CADM2: variants seen among roughly 807,000 people sequenced by gnomAD.
CADM2 encodes immunoglobulin superfamily member 4D.
Under a neutral mutation model 49.8 loss-of-function variants are expected in CADM2, and 12 were observed. The observed-to-expected ratio is 0.24, with a 90% CI of 0.15 to 0.39. CADM2 has a LOEUF of 0.39. Among genes scored for constraint, CADM2 ranks in the 10% least tolerant of loss-of-function variants. The pLI is 1.00. For missense variants in CADM2, 378 were observed against 492.3 expected, an observed-to-expected ratio of 0.77 and a Z score of 2.20; for synonymous variants, 214 against 175.4, an observed-to-expected ratio of 1.22 and a Z score of -1.74.
At chr3:85,502,910 G>T (rs2040177251) in intron 1 of CADM2, among the ~76,000 whole-genome samples, 1 of 151,886 alleles carries the variant, frequency 6.6e-6, no homozygotes, top group African/African-American at 2.4e-5. Context: ...TTTTTTTGAG[G>T]ATTTAAGTGA....
intron 1 of CADM2, among the ~76,000 whole-genome samples, chr3:85,444,443 TCACACA>T (rs4053296): frequency 3.4e-5 from 5 of 148,024 alleles, no homozygotes; most frequent in South Asian, 4.3e-4. Context: ...TCCTACACAC[TCACACA>T]CACACACACA....
chr3:85,618,381 A>T (rs542902852), intron 1 of CADM2, among the ~76,000 whole-genome samples: 1 of 152,308 alleles, frequency 6.6e-6, no homozygotes, highest in East Asian at 1.9e-4. Context: ...TTATTCAGTT[A>T]CACTGTAGCT....
intron 6 of CADM2, among the ~76,000 whole-genome samples, chr3:85,915,852 G>A (rs1024303836): frequency 6.6e-6 from 1 of 152,106 alleles, no homozygotes; most frequent in African/African-American, 2.4e-5. Flanking sequence ...GTTTTCAGTG[G>A]TAAGTCAAAA....
chr3:85,714,010 C>G (rs1489132197), intron 1 of CADM2, among the ~76,000 whole-genome samples: 2 of 152,140 alleles, frequency 1.3e-5, no homozygotes, highest in Non-Finnish European at 2.9e-5. Context: ...GCTCAAGCTC[C>G]TCTTTGGGGA....
chr3:85,567,603 G>C (rs1245626063), intron 1 of CADM2, among the ~76,000 whole-genome samples: 1 of 151,732 alleles, frequency 6.6e-6, no homozygotes, highest in Non-Finnish European at 1.5e-5. Context: ...TGTTTTGAAT[G>C]GTATATTAGA....
At chr3:85,056,338 A>T (rs1397094884) in intron 1 of CADM2, among the ~76,000 whole-genome samples, 1 of 152,170 alleles carries the variant, frequency 6.6e-6, no homozygotes, top group Non-Finnish European at 1.5e-5. Flanking sequence ...TTGCATTTTA[A>T]GTGTGCTTTT....
intron 8 of CADM2, chr3:86,015,190 C>T (rs1268653212): frequency 1.7e-5 from 6 of 360,692 alleles, no homozygotes; most frequent in Non-Finnish European, 3.0e-5. Context: ...GTATGTAAAC[C>T]TCTTAATCAC....
At chr3:85,691,890 C>A (rs983526856) in intron 1 of CADM2, among the ~76,000 whole-genome samples, 8 of 152,056 alleles carry the variant, frequency 5.3e-5, no homozygotes, top group Non-Finnish European at 7.3e-5. Context: ...AAACCAAACA[C>A]CGCATGTTCT....
At chr3:85,307,153 G>A (rs541983614) in intron 1 of CADM2, among the ~76,000 whole-genome samples, 27 of 151,416 alleles carry the variant, frequency 1.8e-4, no homozygotes, top group Middle Eastern at 3.4e-3. Flanking sequence ...ATTAATTTAC[G>A]TATATGCATA....
intron 1 of CADM2, among the ~76,000 whole-genome samples, chr3:85,028,506 A>G (rs2034834299): frequency 6.6e-6 from 1 of 152,142 alleles, no homozygotes; most frequent in African/African-American, 2.4e-5. Context: ...AATTTACCTA[A>G]GGTCTTACAG....
At chr3:85,564,886 G>T (rs2062208323) in intron 1 of CADM2, among the ~76,000 whole-genome samples, 1 of 151,854 alleles carries the variant, frequency 6.6e-6, no homozygotes, top group Admixed American at 6.6e-5. Context: ...ATATAAAACA[G>T]GAATACTATT....
At chr3:86,033,957 T>C (rs1734855640) in intron 8 of CADM2, among the ~76,000 whole-genome samples, 1 of 151,492 alleles carries the variant, frequency 6.6e-6, no homozygotes, top group African/African-American at 2.4e-5. Flanking sequence ...ACATTGTTTT[T>C]GAAACCATGG....
intron 1 of CADM2, among the ~76,000 whole-genome samples, chr3:85,444,332 A>T (rs2107550187): frequency 6.6e-6 from 1 of 152,062 alleles, no homozygotes; most frequent in South Asian, 2.1e-4. Context: ...ACTTCTATCA[A>T]ATGAAAATAA....
In CADM2 at chr3:84,959,004, T is replaced by C. The variant is rs2030169613; in HGVS notation, c.-604T>C. On this transcript the variant is annotated 5_prime_UTR_variant, in exon 1 of 10. Coordinates refer to ENST00000383699, the MANE Select transcript of CADM2 (RefSeq NM_001167675.2). ...CTGGTGCTTCGTAGAGCTGCCGCCGTCGCCGCTGCCGCTGCCGCCACAGCC... is the reference window on the plus strand; with the variant it reads ...CTGGTGCTTCGTAGAGCTGCCGCCGCCGCCGCTGCCGCTGCCGCCACAGCC... 1.0e-5 allele frequency: 2 copies of C among 200,428 alleles called. No individual in the cohort carries two copies. The highest frequency in any genetic ancestry group is 2.0e-5 in the Non-Finnish European group (2 of 100,592). 12.4% of individuals were successfully genotyped at this position (200,428 alleles called of 1,614,324 possible). A position where few individuals can be genotyped will look rare whatever the true frequency, so the allele number is the denominator to read the frequency against.
intron 1 of CADM2, among the ~76,000 whole-genome samples, chr3:85,462,359 A>T (rs1353099164): frequency 6.6e-6 from 1 of 152,142 alleles, no homozygotes; most frequent in Non-Finnish European, 1.5e-5. Flanking sequence ...GCACACCAAG[A>T]CTATGACAAT....
At chr3:85,260,780 G>T (rs955261391) in intron 1 of CADM2, among the ~76,000 whole-genome samples, 1 of 152,032 alleles carries the variant, frequency 6.6e-6, no homozygotes, top group African/African-American at 2.4e-5. Flanking sequence ...TAAATTACTT[G>T]GAAAGTAAAC....
chr3:84,959,233 G>C lies in CADM2; in HGVS notation c.-375G>C, dbSNP rs1358842121. Reference sequence around the variant, plus strand: ...TACCCACTCCTTGCAGCCCTCGCCCGCACCTTCTCCAACACCCCGGCATCC... The same window carrying C: ...TACCCACTCCTTGCAGCCCTCGCCCCCACCTTCTCCAACACCCCGGCATCC... On this transcript the variant is annotated 5_prime_UTR_variant, in exon 1 of 10. Coordinates refer to ENST00000383699, the MANE Select transcript of CADM2 (RefSeq NM_001167675.2). The C allele has an allele frequency of 5.9e-6, 2 of 338,692 alleles. No homozygotes were observed. Among genetic ancestry groups the C allele is most frequent in the South Asian group, 6.7e-5 (2 of 29,842 alleles). The allele number at this position is 338,692 out of a possible 1,614,324, so 21.0% of individuals were successfully genotyped here. A position where few individuals can be genotyped will look rare whatever the true frequency, so the allele number is the denominator to read the frequency against.
Position 85,288,794 on chromosome 3 carries a change from C to T in CADM2, c.61+329126C>T, listed in dbSNP as rs756108081. 5.5e-3 allele frequency among the ~76,000 whole-genome samples: 735 copies of T among 132,824 alleles called. 31 individuals are homozygous for T. Among genetic ancestry groups the T allele is most frequent in the African/African-American group, 0.019 (703 of 37,816 alleles). The allele number at this position is 132,824 out of a possible 152,430, so 87.1% of individuals were successfully genotyped here. A position where few individuals can be genotyped will look rare whatever the true frequency, so the allele number is the denominator to read the frequency against. ...CTGCTTTACCAATATGCCCCCCCCC[C>T]CTCTTTTTTTCCATCATGGCTAATT... On this transcript the variant is annotated intron_variant, in intron 1 of 9. Transcript: ENST00000383699.
chr3:85,656,222 G>A (rs2065191272), intron 1 of CADM2, among the ~76,000 whole-genome samples: 1 of 151,892 alleles, frequency 6.6e-6, no homozygotes, highest in African/African-American at 2.4e-5. Context: ...ATTTTTGATA[G>A]TTTAAAAATT....
Sources: allele counts gnomAD v4.1 joint callset (sites outside exome capture counted in the v4.1 genomes callset), GRCh38; gene constraint gnomAD v4.1.1; transcripts MANE v1.5; gene names NCBI Gene and HGNC (gene_info 2026-07-23, HGNC 2026-07-21).